Variants in SEPTIN6 observed in about 807,000 individuals in gnomAD.
The protein encoded by SEPTIN6 is septin-6.
In SEPTIN6, 8 loss-of-function variants were observed where a neutral mutation model predicts 33.6. The observed-to-expected ratio is 0.24, with a 90% confidence interval of 0.14 to 0.43. The LOEUF (loss-of-function observed/expected upper bound fraction) is 0.43, where lower values mean the gene tolerates loss of function less well. Among genes scored for constraint, SEPTIN6 ranks in the 20% least tolerant of loss-of-function variants. SEPTIN6 has a pLI of 1.00. For missense variants in SEPTIN6, 250 were observed against 340.8 expected, an observed-to-expected ratio of 0.73 and a Z score of 2.10; for synonymous variants, 131 against 140.0, an observed-to-expected ratio of 0.94 and a Z score of 0.45.
chrX:119,653,682 T>C (rs1424478191), intron 3 of SEPTIN6, among the ~76,000 whole-genome samples: 1 of 112,663 alleles, frequency 8.9e-6, no homozygotes, highest in Non-Finnish European at 1.9e-5. Flanking sequence ...TTCAGGGCTT[T>C]TGCTCATTCT....
At chrX:119,667,549 G>T (rs1485361333) in intron 2 of SEPTIN6, among the ~76,000 whole-genome samples, 1 of 111,474 alleles carries the variant, frequency 9.0e-6, no homozygotes, top group East Asian at 2.8e-4. Context: ...TCATCCTATG[G>T]CTATCGAGAG....
intron 4 of SEPTIN6, among the ~76,000 whole-genome samples, chrX:119,652,069 G>T (rs1297776670): frequency 2.7e-5 from 3 of 111,700 alleles, no homozygotes; most frequent in African/African-American, 9.8e-5. Context: ...GATTATAAAT[G>T]CGCACCACCA....
At chrX:119,690,723 C>CAAAAAAAA (rs772333455) in intron 1 of SEPTIN6, among the ~76,000 whole-genome samples, 1 of 23,027 alleles carries the variant, frequency 4.3e-5, no homozygotes, top group Non-Finnish European at 9.0e-5. Flanking sequence ...GACTCCGTCT[C>CAAAAAAAA]AAAAAAAAAA....
chrX:119,665,146 C>T (rs1170123460), intron 2 of SEPTIN6, among the ~76,000 whole-genome samples: 1 of 106,101 alleles, frequency 9.4e-6, no homozygotes, highest in Non-Finnish European at 1.9e-5. Flanking sequence ...CTCTGTTGCC[C>T]AGGCTGGAGA....
chrX:119,635,008 CAAAAAAA>C (rs56090830), intron 7 of SEPTIN6: 9 of 146,748 alleles, frequency 6.1e-5, no homozygotes, highest in African/African-American at 1.2e-4. Context: ...GACTCTGTCT[CAAAAAAA>C]AAAAAAAAAA....
intron 2 of SEPTIN6, among the ~76,000 whole-genome samples, chrX:119,673,346 T>C (rs2147617099): frequency 9.0e-6 from 1 of 111,072 alleles, no homozygotes; most frequent in Non-Finnish European, 1.9e-5. Context: ...AGGGACACTT[T>C]GTCTCAAACA....
At chrX:119,640,663 T>G (rs369031074) in intron 6 of SEPTIN6, 29 bp downstream of exon 6, 27 of 1,086,745 alleles carry the variant, frequency 2.5e-5, no homozygotes, top group Non-Finnish European at 3.2e-5. Flanking sequence ...GGGCTTCCTG[T>G]GTGTAGCCCT....
At chrX:119,641,733 G>A (rs748459713) in intron 5 of SEPTIN6, among the ~76,000 whole-genome samples, 39 of 112,330 alleles carry the variant, frequency 3.5e-4, no homozygotes, top group Non-Finnish European at 6.0e-4. Flanking sequence ...TCACAGAGCC[G>A]TAATCCACAA....
At chrX:119,643,839 C>T (rs1428311582) in intron 5 of SEPTIN6, among the ~76,000 whole-genome samples, 4 of 111,566 alleles carry the variant, frequency 3.6e-5, no homozygotes, top group African/African-American at 6.5e-5. Context: ...TAGGGTGGTC[C>T]GCACTCTGCC....
In SEPTIN6 at chrX:119,663,577, C is replaced by T; in HGVS notation, c.246G>A (p.Gln82=). Residue 82 remains glutamine, a synonymous_variant, in exon 3 of 11, where the codon CAG becomes CAA. Transcript: ENST00000394610. The stretch of plus-strand genomic sequence containing the variant: ...TCTCTTGGAGGTCATAGGTATTAGA[C>T]TGGAGCTGGACACCCGGCTGTGTGT... The part of the protein sequence containing the change: ...ATHTQPGVQL[Q]SNTYDLQESN... 5 of 1,210,109 alleles carry T rather than the reference C, an allele frequency of 4.1e-6. No homozygotes were observed. Among genetic ancestry groups the T allele is most frequent in the Non-Finnish European group, 5.6e-6 (5 of 894,659 alleles).
chrX:119,620,562 G>A (rs1185966002), intron 10 of SEPTIN6, among the ~76,000 whole-genome samples: 1 of 109,218 alleles, frequency 9.2e-6, no homozygotes, highest in Non-Finnish European at 1.9e-5. Context: ...CTCATGATCT[G>A]CCCGCCTTGG....
At chrX:119,685,889 CCT>C (rs1169464218) in intron 1 of SEPTIN6, among the ~76,000 whole-genome samples, 2 of 111,340 alleles carry the variant, frequency 1.8e-5, no homozygotes, top group African/African-American at 3.3e-5. Flanking sequence ...ACTTTTTCCT[CCT>C]GTTTCCCTCT....
chrX:119,657,050 C>G (rs59350072), intron 3 of SEPTIN6, among the ~76,000 whole-genome samples: 1 of 107,991 alleles, frequency 9.3e-6, no homozygotes, highest in Non-Finnish European at 1.9e-5. Flanking sequence ...GAAACCCCGT[C>G]TCTACTAAAA....
chrX:119,636,700 C>G (rs1208464370), intron 7 of SEPTIN6, among the ~76,000 whole-genome samples: 1 of 111,827 alleles, frequency 8.9e-6, no homozygotes, highest in Non-Finnish European at 1.9e-5. Context: ...GGATTCCCCC[C>G]AGCGCAGCTG....
chrX:119,659,504 C>T (rs2054503731), intron 3 of SEPTIN6, among the ~76,000 whole-genome samples: 1 of 112,008 alleles, frequency 8.9e-6, no homozygotes, highest in Non-Finnish European at 1.9e-5. Context: ...CCATATACTA[C>T]ATGATTTAGC....
chrX:119,632,586 G>A (rs2053986534), intron 8 of SEPTIN6, among the ~76,000 whole-genome samples: 2 of 110,422 alleles, frequency 1.8e-5, no homozygotes, highest in African/African-American at 6.6e-5. Context: ...AGTGTGACAG[G>A]TTAAATGTGG....
chrX:119,635,373 T>C (rs1009170864), intron 7 of SEPTIN6, among the ~76,000 whole-genome samples: 4 of 110,329 alleles, frequency 3.6e-5, no homozygotes, highest in African/African-American at 6.6e-5. Context: ...ATTAGGGCTG[T>C]GAGAGTAGAA....
chrX:119,674,778 G>A (rs1436359603), intron 2 of SEPTIN6, among the ~76,000 whole-genome samples: 1 of 112,226 alleles, frequency 8.9e-6, no homozygotes, highest in East Asian at 2.8e-4. Flanking sequence ...GCTAATGTGA[G>A]AAAGTGAAAA....
At chrX:119,688,563 T>C (rs11260197) in intron 1 of SEPTIN6, among the ~76,000 whole-genome samples, 42,540 of 108,455 alleles carry the variant, frequency 0.39, 8,719 homozygotes, top group African/African-American at 0.8. Context: ...AAAAATTAGC[T>C]GGGCACGGTG....
Sources: allele counts gnomAD v4.1 joint callset (sites outside exome capture counted in the v4.1 genomes callset), GRCh38; gene constraint gnomAD v4.1.1; transcripts MANE v1.5; gene names NCBI Gene and HGNC (gene_info 2026-07-23, HGNC 2026-07-21).